Variants in ZNF728 observed in about 807,000 individuals in gnomAD.
ZNF728 encodes zinc finger protein 728.
A neutral mutation model predicts 12.5 loss-of-function variants in ZNF728; 12 were observed. The ratio of observed to expected loss-of-function variants is 0.96; its 90% CI spans 0.61 to 1.55. The LOEUF is 1.55. ZNF728 is among the 40% of genes most tolerant of loss of function. The pLI is 0.00. For synonymous variants in ZNF728, 205 were observed against 240.7 expected (o/e 0.85, Z 1.37); for missense variants, 692 against 719.2 (o/e 0.96, Z 0.43).
At chr19:22,984,686 T>C (rs537074475) in intron 3 of ZNF728, among the ~76,000 whole-genome samples, 22 of 151,578 alleles carry the variant, frequency 1.5e-4, no homozygotes, top group Non-Finnish European at 1.8e-4. Context: ...ATAGTTAACA[T>C]TGTAAAGATG....
intron 3 of ZNF728, among the ~76,000 whole-genome samples, chr19:22,979,534 G>A (rs1184468000): frequency 2.0e-5 from 3 of 152,050 alleles, no homozygotes; most frequent in Non-Finnish European, 4.4e-5. Flanking sequence ...GATACTACTC[G>A]AGAAGAGCAA....
chr19:22,988,986 C>T (rs1320865743), intron 1 of ZNF728, among the ~76,000 whole-genome samples: 2 of 133,392 alleles, frequency 1.5e-5, no homozygotes, highest in Non-Finnish European at 3.0e-5. Flanking sequence ...AGGAGGCGGA[C>T]GTTGTGGTGA....
At position 22,987,341 on chromosome 19, in the gene ZNF728, T is replaced by C. The variant is rs146623514; in HGVS notation, c.193A>G (p.Met65Val). Residue 65 changes from methionine (M) to valine (V), a missense_variant, in exon 3 of 4, where the codon ATG (methionine) becomes GTG (valine). By Grantham distance (21) the Met-to-Val change is conservative. Coordinates refer to ENST00000594710, the MANE Select transcript of ZNF728 (RefSeq NM_001267716.2). Reference sequence around the variant, plus strand: ...TCTTTCACCAGCTCATGTCTCTTCATATTCCAGGGCTCTTTTCCTTGCTCC... The same window carrying C: ...TCTTTCACCAGCTCATGTCTCTTCACATTCCAGGGCTCTTTTCCTTGCTCC... Reference protein sequence around the residue: ...FLEQGKEPWNMKRHELVKEPP... With the variant: ...FLEQGKEPWNVKRHELVKEPP... 1,390 of 1,612,786 alleles carry C rather than the reference T, an allele frequency of 8.6e-4. 8 individuals are homozygous for C. In the African/African-American group the frequency reaches 0.017, roughly 20 times the overall value.
chr19:22,999,776 A>G (rs1272270844), intron 1 of ZNF728, among the ~76,000 whole-genome samples: 3 of 152,194 alleles, frequency 2.0e-5, no homozygotes, highest in African/African-American at 7.2e-5. Context: ...AAACAGTTAC[A>G]TGGGAACACT....
chr19:22,986,529 G>A lies in ZNF728; in HGVS notation c.226+779C>T, dbSNP rs183665154. Among the ~76,000 whole-genome samples, 277 of 152,094 alleles carry A rather than the reference G, an allele frequency of 1.8e-3. 1 individual carries two copies. Among genetic ancestry groups the A allele is most frequent in the Middle Eastern group, 6.8e-3 (2 of 294 alleles). On this transcript the variant is annotated intron_variant, in intron 3 of 3. Transcript: ENST00000594710. ...AATAGCACTAAAATAATAAATATCC[G>A]AGAACAAATTTAACCGAGGAGCTGA... is the stretch of plus-strand genomic sequence containing the variant.
chr19:22,980,202 C>CAAAAAAAAAAAAAAAAA, intron 3 of ZNF728, among the ~76,000 whole-genome samples: 1 of 114,458 alleles, frequency 8.7e-6, no homozygotes, highest in Non-Finnish European at 1.9e-5. Context: ...AAAAAAGAAA[C>CAAAAAAAAAAAAAAAAA]AAAAAAAAAA....
intron 1 of ZNF728, among the ~76,000 whole-genome samples, chr19:23,002,244 G>GGC (rs960161218): frequency 2.6e-5 from 4 of 152,232 alleles, no homozygotes; most frequent in African/African-American, 9.6e-5. Context: ...GAACCTGGGA[G>GGC]GCGGAGATTG....
chr19:22,990,509 C>T (rs1350965428), intron 1 of ZNF728, among the ~76,000 whole-genome samples: 1 of 149,816 alleles, frequency 6.7e-6, no homozygotes, highest in East Asian at 1.9e-4. Flanking sequence ...ATATGCTTTT[C>T]TTTATTTTGT....
At chr19:22,981,399 A>C (rs546545884) in intron 3 of ZNF728, among the ~76,000 whole-genome samples, 6 of 152,150 alleles carry the variant, frequency 3.9e-5, no homozygotes, top group African/African-American at 1.4e-4. Flanking sequence ...TAGCCCATCA[A>C]TAAAAAATGT....
intron 2 of ZNF728, among the ~76,000 whole-genome samples, chr19:22,987,946 C>T (rs955549526): frequency 7.2e-5 from 11 of 152,220 alleles, no homozygotes; most frequent in Non-Finnish European, 1.3e-4. Context: ...AGAATGTGGG[C>T]GAATTCGCTT....
Position 22,976,127 on chromosome 19 carries a change from T to G in ZNF728, c.1210A>C (p.Thr404Pro). 3.8e-6 allele frequency: 6 copies of G among 1,586,266 alleles called. No individual in the cohort carries two copies. Among genetic ancestry groups the G allele is most frequent in the South Asian group, 3.3e-5 (3 of 90,220 alleles). The change falls in exon 4 of 4, where the codon ACC (threonine) becomes CCC (proline). Residue 404 changes from threonine (T) to proline (P), a missense_variant. Transcript: ENST00000594710. The part of the protein sequence containing the change: ...KPYKCEECGK[T>P]FKWSSTLTKH... The stretch of plus-strand genomic sequence containing the variant: ...GTAAGTGTTGAGGACCACTTAAAGG[T>G]TTTGCCACATTCTTCACATTTGTAA...
rs967496099 is a variant in ZNF728 at position 23,003,119 on chromosome 19, C to A, written c.-89G>T. On this transcript the variant is annotated 5_prime_UTR_variant, in exon 1 of 4. Transcript: ENST00000594710. ...GCCATAGAAGCTGGGCCTTTAGGAG[C>A]GGACGACACACAGCAGTAAGGACGA... is the stretch of plus-strand genomic sequence containing the variant. 5 of 1,454,956 alleles carry A rather than the reference C, an allele frequency of 3.4e-6. No individual in the cohort carries two copies. The African/African-American group carries it at 4.3e-5, about 13-fold the overall frequency. 90.1% of individuals were successfully genotyped at this position (1,454,956 alleles called of 1,614,324 possible). A position where few individuals can be genotyped will look rare whatever the true frequency, so the allele number is the denominator to read the frequency against.
Position 22,975,145 on chromosome 19 carries a change from G to A in ZNF728, c.*323C>T, listed in dbSNP as rs1233635001. Among the ~76,000 whole-genome samples, 4 of 152,168 alleles carry A rather than the reference G, an allele frequency of 2.6e-5. No individual in the cohort carries two copies. Among genetic ancestry groups the A allele is most frequent in the Non-Finnish European group, 4.4e-5 (3 of 68,018 alleles). Reference sequence around the variant, plus strand: ...CCTTGTCACATCTTTCAGGTTTGCAGTTTCTCTCTAGTATGAATTAGCTTA... The same window carrying A: ...CCTTGTCACATCTTTCAGGTTTGCAATTTCTCTCTAGTATGAATTAGCTTA... On this transcript the variant is annotated 3_prime_UTR_variant, in exon 4 of 4. Coordinates refer to ENST00000594710, the MANE Select transcript of ZNF728 (RefSeq NM_001267716.2).
intron 3 of ZNF728, 101 bp from the exon 4 acceptor site, chr19:22,977,211 C>T (rs920373062): frequency 1.7e-6 from 2 of 1,147,698 alleles, no homozygotes; most frequent in African/African-American, 1.6e-5. Context: ...CAAGATGACA[C>T]TGCAGTATGA....
At chr19:23,002,792 G>A (rs1969126291) in intron 1 of ZNF728, among the ~76,000 whole-genome samples, 1 of 152,206 alleles carries the variant, frequency 6.6e-6, no homozygotes, top group Non-Finnish European at 1.5e-5. Context: ...CCCCAAGAGG[G>A]CTCCAGGCCA....
chr19:22,988,495 G>C, intron 1 of ZNF728, 44 bp from the exon 2 acceptor site: 1 of 1,600,942 alleles, frequency 6.2e-7, no homozygotes, highest in Non-Finnish European at 8.5e-7. Flanking sequence ...AGTGGTCATG[G>C]GCAGAATTTT....
At position 22,997,246 on chromosome 19, in the gene ZNF728, C is replaced by T. The variant is rs143898052; in HGVS notation, c.3+5782G>A. Among the ~76,000 whole-genome samples, 80 of 152,194 alleles carry T rather than the reference C, an allele frequency of 5.3e-4. 1 individual carries two copies. In the East Asian group the frequency reaches 0.013, roughly 24 times the overall value. On this transcript the variant is annotated intron_variant, in intron 1 of 3. Transcript: ENST00000594710. Reference sequence around the variant, plus strand: ...GGCACATACTCTAAAACTGACCACACAATCAGAAATAAAACAATTCTCAGC... The same window carrying T: ...GGCACATACTCTAAAACTGACCACATAATCAGAAATAAAACAATTCTCAGC...
intron 3 of ZNF728, among the ~76,000 whole-genome samples, chr19:22,979,755 C>T (rs1968842320): frequency 6.6e-6 from 1 of 152,102 alleles, no homozygotes; most frequent in Middle Eastern, 3.2e-3. Context: ...AATATCCAGC[C>T]AAACTAAGCT....
chr19:22,989,519 G>C (rs573777076), intron 1 of ZNF728, among the ~76,000 whole-genome samples: 132 of 152,194 alleles, frequency 8.7e-4, no homozygotes, highest in African/African-American at 3.2e-3. Context: ...ATTCTATAGT[G>C]AAAAAATGTG....
Sources: allele counts gnomAD v4.1 joint callset (sites outside exome capture counted in the v4.1 genomes callset), GRCh38; gene constraint gnomAD v4.1.1; transcripts MANE v1.5; gene names NCBI Gene and HGNC (gene_info 2026-07-23, HGNC 2026-07-21).